Variants in SGPP2 observed in about 807,000 individuals in gnomAD.
SGPP2 encodes sphingosine-1-phosphate phosphatase 2, also known as sphingosine 1-phosphate phosphohydrolase 2.
In SGPP2, 30 loss-of-function variants were observed where a neutral mutation model predicts 33.9. The ratio of observed to expected loss-of-function variants is 0.89; its 90% CI spans 0.66 to 1.20. The LOEUF (loss-of-function observed/expected upper bound fraction) is 1.20, where lower values mean the gene tolerates loss of function less well. Ranked by LOEUF, SGPP2 falls within the 50% of genes most tolerant of loss-of-function variation. SGPP2 has a pLI of 0.00. For missense variants in SGPP2, 458 were observed against 532.1 expected, an observed-to-expected ratio of 0.86 and a Z score of 1.37; for synonymous variants, 233 against 225.0, an observed-to-expected ratio of 1.04 and a Z score of -0.32.
At chr2:222,439,440 G>A (rs889941547) in intron 1 of SGPP2, among the ~76,000 whole-genome samples, 2 of 152,030 alleles carry the variant, frequency 1.3e-5, no homozygotes, top group African/African-American at 2.4e-5. Context: ...GCTGAGACAC[G>A]AGAATCACTT....
Position 222,558,771 on chromosome 2 carries a change from C to A in SGPP2, c.1073C>A (p.Thr358Asn). Residue 358 changes from threonine to asparagine, a missense_variant, in exon 5 of 5, where the codon ACC (threonine) becomes AAC (asparagine). Transcript: ENST00000321276. ...QVLYSWFKVV[T>N]RNKEARRRLE... ...TTATACTCATGGTTCAAGGTGGTCA[C>A]CAGGAACAAGGAGGCCAGGCGGAGA... The A allele has an allele frequency of 6.2e-7, 1 of 1,614,120 alleles. No individual in the cohort carries two copies. Among genetic ancestry groups the A allele is most frequent in the Non-Finnish European group, 8.5e-7 (1 of 1,180,010 alleles).
At chr2:222,527,086 C>T (rs1698769908) in intron 4 of SGPP2, among the ~76,000 whole-genome samples, 1 of 152,024 alleles carries the variant, frequency 6.6e-6, no homozygotes, top group Non-Finnish European at 1.5e-5. Context: ...TACACAAAAC[C>T]CACCTCAATA....
Position 222,559,235 on chromosome 2 carries a change from G to T in SGPP2, c.*337G>T, listed in dbSNP as rs1689489758. Reference sequence around the variant, plus strand: ...TTTGGATCTAGTCATGGGCTGGCAGGAATTGTGGCCTGGCTTAGGAATAGC... The same window carrying T: ...TTTGGATCTAGTCATGGGCTGGCAGTAATTGTGGCCTGGCTTAGGAATAGC... On this transcript the variant is annotated 3_prime_UTR_variant, in exon 5 of 5. Coordinates refer to ENST00000321276, the MANE Select transcript of SGPP2 (RefSeq NM_152386.4). 7.8e-6 allele frequency: 2 copies of T among 257,026 alleles called. No homozygotes were observed. Among genetic ancestry groups the T allele is most frequent in the South Asian group, 1.2e-4 (2 of 16,024 alleles). 15.9% of individuals were successfully genotyped at this position (257,026 alleles called of 1,614,324 possible).
chr2:222,514,173 T>G (rs1698570536), intron 2 of SGPP2, among the ~76,000 whole-genome samples: 1 of 152,240 alleles, frequency 6.6e-6, no homozygotes, highest in Non-Finnish European at 1.5e-5. Flanking sequence ...ACTAGGCTAT[T>G]TATTTCATAG....
intron 1 of SGPP2, among the ~76,000 whole-genome samples, chr2:222,427,267 C>CT (rs1334340598): frequency 2.6e-5 from 4 of 151,326 alleles, no homozygotes; most frequent in South Asian, 2.1e-4. Context: ...TAGTTTTAAA[C>CT]TTTTTTTTTA....
At chr2:222,452,663 G>A in intron 1 of SGPP2, 3 of 1,384,588 alleles carry the variant, frequency 2.2e-6, no homozygotes, top group Middle Eastern at 4.2e-4. Context: ...AGTTGCTCCA[G>A]GACTGGATGT....
chr2:222,462,499 G>A (rs72966736), intron 1 of SGPP2, among the ~76,000 whole-genome samples: 3,767 of 152,234 alleles, frequency 0.025, 76 homozygotes, highest in Non-Finnish European at 0.039. Context: ...GAAGTGAAAC[G>A]CAGCAAAACT....
chr2:222,510,389 C>T (rs1698508162), intron 2 of SGPP2, among the ~76,000 whole-genome samples: 6 of 152,186 alleles, frequency 3.9e-5, no homozygotes, highest in Admixed American at 3.3e-4. Flanking sequence ...TGGGTTACAG[C>T]TCATTGTTCT....
chr2:222,451,066 A>C (rs1290764602), intron 1 of SGPP2, among the ~76,000 whole-genome samples: 3 of 151,820 alleles, frequency 2.0e-5, no homozygotes, highest in African/African-American at 7.3e-5. Flanking sequence ...ATTAACTGGA[A>C]TTCCAACATT....
At chr2:222,488,735 C>T (rs992397518) in intron 2 of SGPP2, among the ~76,000 whole-genome samples, 2 of 152,068 alleles carry the variant, frequency 1.3e-5, no homozygotes, top group Non-Finnish European at 2.9e-5. Context: ...TTACTCTCAG[C>T]TTAGGGGGAT....
intron 2 of SGPP2, among the ~76,000 whole-genome samples, chr2:222,484,505 C>G (rs571484679): frequency 1.3e-5 from 2 of 152,324 alleles, no homozygotes; most frequent in Admixed American, 1.3e-4. Flanking sequence ...TCGGTTGGAT[C>G]TGCTAAAGTG....
intron 2 of SGPP2, among the ~76,000 whole-genome samples, chr2:222,517,305 A>G (rs1003433845): frequency 1.3e-5 from 2 of 152,228 alleles, no homozygotes; most frequent in Non-Finnish European, 2.9e-5. Flanking sequence ...CCACAGGCAG[A>G]AAAACAGAAG....
At position 222,470,734 on chromosome 2, in the gene SGPP2, A is replaced by G. The variant is rs1180098007; in HGVS notation, c.220-3834A>G. On this transcript the variant is annotated intron_variant, in intron 1 of 4. Coordinates refer to ENST00000321276, the MANE Select transcript of SGPP2 (RefSeq NM_152386.4). ...GCGAGGCTTTTGTTAGAGTTCGGCA[A>G]AATTTATCCTTGTAAAGCTTCAAGG... Among the ~76,000 whole-genome samples the G allele has an allele frequency of 2.0e-5, 3 of 152,222 alleles. No individual in the cohort carries two copies. In the South Asian group the frequency reaches 6.2e-4, roughly 31 times the overall value.
chr2:222,449,373 G>A (rs190184946), intron 1 of SGPP2, among the ~76,000 whole-genome samples: 2 of 152,232 alleles, frequency 1.3e-5, no homozygotes, highest in East Asian at 3.9e-4. Context: ...GCCCACCTGG[G>A]CCAGGTGAAA....
At chr2:222,546,015 G>C (rs1689189464) in intron 4 of SGPP2, among the ~76,000 whole-genome samples, 1 of 152,158 alleles carries the variant, frequency 6.6e-6, no homozygotes. Flanking sequence ...ATTAGCTAAA[G>C]GTCTGGAACT....
At chr2:222,424,854 GA>G in intron 1 of SGPP2, 33 bp downstream of exon 1, 2 of 1,304,766 alleles carry the variant, frequency 1.5e-6, no homozygotes, top group African/African-American at 1.5e-5. Flanking sequence ...CGGGTACGGG[GA>G]GGGGGCGGCT....
At chr2:222,517,966 G>A (rs1037675053) in intron 2 of SGPP2, among the ~76,000 whole-genome samples, 3 of 152,172 alleles carry the variant, frequency 2.0e-5, no homozygotes, top group Non-Finnish European at 4.4e-5. Flanking sequence ...GTTTTTCAAA[G>A]CCTTTTCACA....
intron 1 of SGPP2, among the ~76,000 whole-genome samples, chr2:222,431,993 A>G (rs1457968164): frequency 6.6e-6 from 1 of 152,250 alleles, no homozygotes; most frequent in Non-Finnish European, 1.5e-5. Flanking sequence ...GTGTGATAAT[A>G]CAGCTGCAGT....
intron 1 of SGPP2, among the ~76,000 whole-genome samples, chr2:222,470,669 A>T (rs1697824898): frequency 1.3e-5 from 2 of 152,208 alleles, no homozygotes; most frequent in Non-Finnish European, 2.9e-5. Context: ...CTGAGTACTT[A>T]TAATGTCATA....
Sources: allele counts gnomAD v4.1 joint callset (sites outside exome capture counted in the v4.1 genomes callset), GRCh38; gene constraint gnomAD v4.1.1; transcripts MANE v1.5; gene names NCBI Gene and HGNC (gene_info 2026-07-23, HGNC 2026-07-21).